The following STXBP6 variants were observed in gnomAD, a reference collection of about 807,000 sequenced individuals.
The protein encoded by STXBP6 is syntaxin binding protein 6.
In STXBP6, 21 loss-of-function variants were observed where a neutral mutation model predicts 26.9. That is an observed-to-expected ratio of 0.78 (90% CI 0.55 to 1.12). STXBP6 has a LOEUF of 1.12. STXBP6 is among the 50% of genes most tolerant of loss of function. The pLI, the probability that STXBP6 is intolerant of heterozygous loss-of-function variation, is 0.00. For synonymous variants in STXBP6, 97 were observed against 92.6 expected (o/e 1.05, Z -0.27); for missense variants, 232 against 257.9 (o/e 0.90, Z 0.69).
At chr14:25,039,806 G>A (rs147588670) in intron 1 of STXBP6, among the ~76,000 whole-genome samples, 6,227 of 151,412 alleles carry the variant, frequency 0.041, 413 homozygotes, top group African/African-American at 0.14. Context: ...TCCTGGGTTC[G>A]AGCAATTCTC....
intron 1 of STXBP6, among the ~76,000 whole-genome samples, chr14:24,990,644 A>G (rs796682244): frequency 3.4e-5 from 5 of 147,314 alleles, no homozygotes; most frequent in African/African-American, 1.3e-4. Context: ...GACATGAGTG[A>G]ATGAAACTCC....
intron 1 of STXBP6, among the ~76,000 whole-genome samples, chr14:25,039,589 G>A (rs899896393): frequency 4.6e-5 from 7 of 152,128 alleles, no homozygotes; most frequent in Admixed American, 2.6e-4. Flanking sequence ...CTGGACCCAC[G>A]GAGACTTGGC....
chr14:24,911,262 G>A (rs1250729775), intron 2 of STXBP6, among the ~76,000 whole-genome samples: 2 of 152,004 alleles, frequency 1.3e-5, no homozygotes, highest in African/African-American at 2.4e-5. Context: ...ATTTGAGCCC[G>A]GGAGGTCAAG....
chr14:24,861,823 A>G (rs1304467337), intron 2 of STXBP6, among the ~76,000 whole-genome samples: 1 of 152,086 alleles, frequency 6.6e-6, no homozygotes, highest in East Asian at 1.9e-4. Context: ...CCTGCAGGCT[A>G]TGTAACCCAG....
At chr14:24,982,441 G>A (rs1246267247) in intron 1 of STXBP6, among the ~76,000 whole-genome samples, 6 of 152,324 alleles carry the variant, frequency 3.9e-5, no homozygotes, top group Admixed American at 2.0e-4. Context: ...CACCAGCTAC[G>A]CGTTAGCCTG....
chr14:24,892,871 C>T (rs1039674410), intron 2 of STXBP6, among the ~76,000 whole-genome samples: 1 of 152,132 alleles, frequency 6.6e-6, no homozygotes. Context: ...GGACCTTGCA[C>T]GTTCTCAACT....
intron 2 of STXBP6, among the ~76,000 whole-genome samples, chr14:24,956,522 G>A (rs1488703400): frequency 6.6e-6 from 1 of 152,152 alleles, no homozygotes; most frequent in African/African-American, 2.4e-5. Flanking sequence ...TTATCGAACT[G>A]CAGGGAATTC....
intron 2 of STXBP6, among the ~76,000 whole-genome samples, chr14:24,882,940 T>C (rs948935524): frequency 2.0e-5 from 3 of 152,232 alleles, no homozygotes; most frequent in African/African-American, 7.2e-5. Context: ...TGAATGTGAA[T>C]AAAGCTTTAA....
At chr14:24,984,623 A>T (rs552338637) in intron 1 of STXBP6, among the ~76,000 whole-genome samples, 1 of 152,356 alleles carries the variant, frequency 6.6e-6, no homozygotes, top group East Asian at 1.9e-4. Context: ...AATTCATGCC[A>T]GTGTAGTACA....
At chr14:24,830,055 CAA>C (rs1274792886) in intron 4 of STXBP6, among the ~76,000 whole-genome samples, 1 of 151,838 alleles carries the variant, frequency 6.6e-6, no homozygotes, top group Admixed American at 6.6e-5. Flanking sequence ...AGTCCATGTG[CAA>C]AGATTTGAAA....
At chr14:24,814,593 G>A (rs1050700966) in intron 5 of STXBP6, among the ~76,000 whole-genome samples, 2 of 152,198 alleles carry the variant, frequency 1.3e-5, no homozygotes, top group Non-Finnish European at 2.9e-5. Flanking sequence ...GGGAGCCCCC[G>A]GGCCACGACC....
At chr14:24,970,095 G>A (rs1283318545) in intron 2 of STXBP6, among the ~76,000 whole-genome samples, 1 of 152,060 alleles carries the variant, frequency 6.6e-6, no homozygotes, top group Non-Finnish European at 1.5e-5. Flanking sequence ...TACAAAATCA[G>A]TTGGGTGCAG....
intron 1 of STXBP6, among the ~76,000 whole-genome samples, chr14:24,985,391 C>A (rs911669155): frequency 6.6e-6 from 1 of 152,148 alleles, no homozygotes; most frequent in African/African-American, 2.4e-5. Context: ...GTTTTATGAG[C>A]CTTGCAGGCT....
At chr14:24,972,505 G>A (rs779757612) in intron 2 of STXBP6, among the ~76,000 whole-genome samples, 22 of 152,278 alleles carry the variant, frequency 1.4e-4, no homozygotes, top group South Asian at 8.3e-4. Flanking sequence ...CTTCTAGACC[G>A]TCTACCTTTC....
intron 1 of STXBP6, among the ~76,000 whole-genome samples, chr14:24,985,075 T>C (rs992950852): frequency 6.6e-6 from 1 of 152,372 alleles, no homozygotes; most frequent in Admixed American, 6.5e-5. Flanking sequence ...GCTACAAAGA[T>C]AACAAATCGA....
At chr14:24,890,977 C>T (rs2070765848) in intron 2 of STXBP6, among the ~76,000 whole-genome samples, 1 of 152,204 alleles carries the variant, frequency 6.6e-6, no homozygotes, top group South Asian at 2.1e-4. Context: ...TGCCAGTGCA[C>T]TGCTGCCATC....
intron 4 of STXBP6, among the ~76,000 whole-genome samples, chr14:24,848,851 G>C (rs1477749968): frequency 6.6e-6 from 1 of 152,122 alleles, no homozygotes; most frequent in Non-Finnish European, 1.5e-5. Context: ...TTGAATGGCT[G>C]AATGAGGAAA....
chr14:24,821,032 C>T (rs531687674), intron 4 of STXBP6, among the ~76,000 whole-genome samples: 1 of 152,284 alleles, frequency 6.6e-6, no homozygotes, highest in African/African-American at 2.4e-5. Context: ...AGAGTTATTA[C>T]CCATGCCACA....
At chr14:24,933,993 A>C (rs1261320442) in intron 2 of STXBP6, among the ~76,000 whole-genome samples, 2 of 152,168 alleles carry the variant, frequency 1.3e-5, no homozygotes, top group African/African-American at 4.8e-5. Flanking sequence ...CAATGAGAAA[A>C]AGACAAAAAT....
Sources: gnomAD v4.1 joint callset for allele counts (sites outside exome capture counted in the v4.1 genomes callset) on GRCh38, gnomAD v4.1.1 for gene constraint, MANE v1.5 for transcripts, NCBI Gene and HGNC (gene_info 2026-07-23, HGNC 2026-07-21) for gene names.